CACNB4: variants seen among roughly 807,000 people sequenced by gnomAD.
CACNB4 encodes the protein calcium voltage-gated channel auxiliary subunit beta 4.
In CACNB4, 32 loss-of-function variants were observed where a neutral mutation model predicts 71.2. That is an observed-to-expected ratio of 0.45 (90% CI 0.34 to 0.60). The LOEUF is 0.60. Ranked by LOEUF, CACNB4 falls within the 20% of genes least tolerant of loss-of-function variation. The pLI is 0.01. For synonymous variants in CACNB4, 231 were observed against 236.9 expected (o/e 0.97, Z 0.23); for missense variants, 464 against 647.9 (o/e 0.72, Z 3.08).
intron 2 of CACNB4, among the ~76,000 whole-genome samples, chr2:151,933,978 C>T (rs1232111391): frequency 3.3e-5 from 5 of 152,182 alleles, no homozygotes; most frequent in African/African-American, 9.7e-5. Flanking sequence ...AACACCCTGA[C>T]GACACTCCTG....
At chr2:151,920,548 G>C (rs1254482159) in intron 2 of CACNB4, among the ~76,000 whole-genome samples, 2 of 151,580 alleles carry the variant, frequency 1.3e-5, no homozygotes, top group Non-Finnish European at 2.9e-5. Context: ...TGTTTCCCTG[G>C]CTAGTCCTGG....
At chr2:151,988,054 A>G (rs982066631) in intron 2 of CACNB4, among the ~76,000 whole-genome samples, 10 of 152,212 alleles carry the variant, frequency 6.6e-5, no homozygotes, top group African/African-American at 2.4e-4. Context: ...TTTTTTTAAG[A>G]TCTGAAGCTT....
chr2:152,048,517 T>C (rs1177740463), intron 2 of CACNB4: 1 of 152,196 alleles, frequency 6.6e-6, no homozygotes, highest in Non-Finnish European at 1.5e-5. Flanking sequence ...AAAAAGTACC[T>C]GCAACACTTG....
At chr2:151,946,488 G>A (rs1400491136) in intron 2 of CACNB4, among the ~76,000 whole-genome samples, 1 of 152,158 alleles carries the variant, frequency 6.6e-6, no homozygotes, top group East Asian at 1.9e-4. Context: ...TCCACTAAAG[G>A]TTGTTACTGA....
chr2:151,925,461 T>G (rs995258265), intron 2 of CACNB4, among the ~76,000 whole-genome samples: 3 of 152,200 alleles, frequency 2.0e-5, no homozygotes, highest in Non-Finnish European at 4.4e-5. Flanking sequence ...AGAGCTGCAT[T>G]TAAAATCCTA....
chr2:151,970,443 T>C (rs2099872213), intron 2 of CACNB4: 1 of 152,110 alleles, frequency 6.6e-6, no homozygotes, highest in African/African-American at 2.4e-5. Flanking sequence ...AATGAAAAAA[T>C]AAATCTATTT....
At chr2:151,963,831 G>T (rs1266944641) in intron 2 of CACNB4, among the ~76,000 whole-genome samples, 3 of 152,102 alleles carry the variant, frequency 2.0e-5, no homozygotes, top group Non-Finnish European at 4.4e-5. Flanking sequence ...ACTTTGGGAG[G>T]CCGAGGCAGG....
chr2:152,022,807 C>A (rs950923694), intron 2 of CACNB4, among the ~76,000 whole-genome samples: 1 of 152,152 alleles, frequency 6.6e-6, no homozygotes, highest in Non-Finnish European at 1.5e-5. Flanking sequence ...GTTGCCACAA[C>A]TCTCCTACTT....
At chr2:152,085,303 G>A (rs936671826) in intron 2 of CACNB4, among the ~76,000 whole-genome samples, 10 of 152,220 alleles carry the variant, frequency 6.6e-5, no homozygotes, top group African/African-American at 2.2e-4. Flanking sequence ...GTTGGGGTGC[G>A]CTTTGTTAAG....
intron 10 of CACNB4, 38 bp downstream of exon 10, chr2:151,860,673 A>C (rs748367932): frequency 7.2e-7 from 1 of 1,381,026 alleles, no homozygotes; most frequent in Admixed American, 1.7e-5. Context: ...CCGGTCTGTA[A>C]GCACAGCTTG....
chr2:151,924,834 T>G (rs781747994), intron 2 of CACNB4, among the ~76,000 whole-genome samples: 6 of 152,222 alleles, frequency 3.9e-5, no homozygotes, highest in Non-Finnish European at 5.9e-5. Flanking sequence ...CCAACTCCTT[T>G]TTGTAACACG....
chr2:151,866,330 G>C (rs1184561651), intron 9 of CACNB4: 1 of 152,140 alleles, frequency 6.6e-6, no homozygotes, highest in Non-Finnish European at 1.5e-5. Context: ...TCCCTTCTTT[G>C]TACTTTCTGA....
At chr2:151,964,592 A>G (rs912540176) in intron 2 of CACNB4, among the ~76,000 whole-genome samples, 1 of 152,222 alleles carries the variant, frequency 6.6e-6, no homozygotes, top group African/African-American at 2.4e-5. Flanking sequence ...AAAAGCTGCC[A>G]ATATAACTGC....
At position 151,880,846 on chromosome 2, in the gene CACNB4, C is replaced by T. The variant is rs1243319442; in HGVS notation, c.344G>A (p.Ser115Asn). 3 of 1,613,690 alleles carry T rather than the reference C, an allele frequency of 1.9e-6. No homozygotes were observed. Among genetic ancestry groups the T allele is most frequent in the Non-Finnish European group, 2.5e-6 (3 of 1,179,730 alleles). Reference sequence around the variant, plus strand: ...TTTAGCATCAAAGGAGATAGCTGTGCTTGGAACAGGCACATCCTCGTCCAG... The same window carrying T: ...TTTAGCATCAAAGGAGATAGCTGTGTTTGGAACAGGCACATCCTCGTCCAG... ...GALDEDVPVP[S>N]TAISFDAKDF... The change falls in exon 4 of 14, where the codon AGC becomes AAC. Residue 115 changes from serine to asparagine, a missense_variant. Physicochemically the swap from Ser to Asn is conservative, Grantham distance 46 (BLOSUM62 1). Coordinates refer to ENST00000539935, the MANE Select transcript of CACNB4 (RefSeq NM_000726.5).
chr2:151,874,956 G>A, intron 5 of CACNB4: 1 of 399,450 alleles, frequency 2.5e-6, no homozygotes, highest in East Asian at 3.6e-5. Flanking sequence ...GGAGACAAGA[G>A]ATGCCACAAA....
At chr2:151,855,857 GT>G (rs1197088828) in intron 10 of CACNB4, among the ~76,000 whole-genome samples, 1 of 152,102 alleles carries the variant, frequency 6.6e-6, no homozygotes, top group Non-Finnish European at 1.5e-5. Flanking sequence ...CAACTCATCT[GT>G]TTTGACTGAT....
chr2:152,031,171 C>T (rs1684263326), intron 2 of CACNB4, among the ~76,000 whole-genome samples: 1 of 152,188 alleles, frequency 6.6e-6, no homozygotes, highest in Non-Finnish European at 1.5e-5. Context: ...GTGCCCAGAA[C>T]TCTTTCAGTT....
chr2:152,065,844 C>T (rs1365407899), intron 2 of CACNB4, among the ~76,000 whole-genome samples: 1 of 152,144 alleles, frequency 6.6e-6, no homozygotes, highest in African/African-American at 2.4e-5. Context: ...TGGGCTTAAA[C>T]GATCCTCCTG....
In CACNB4 at chr2:151,853,695, C is replaced by T. The variant is rs965210988; in HGVS notation, c.1021-152G>A. ...CATATATTTAAACCTGTAATGATGT[C>T]ATCTGCTTACATTGGCTCTCAGTTC... On this transcript the variant is annotated intron_variant, in intron 11 of 13. Coordinates refer to ENST00000539935, the MANE Select transcript of CACNB4 (RefSeq NM_000726.5). 54 of 528,354 alleles carry T rather than the reference C, an allele frequency of 1.0e-4. 1 individual carries two copies. The highest frequency in any genetic ancestry group is 1.6e-4 in the Non-Finnish European group (50 of 303,500). 32.7% of individuals were successfully genotyped at this position (528,354 alleles called of 1,614,324 possible). A position where few individuals can be genotyped will look rare whatever the true frequency, so the allele number is the denominator to read the frequency against.
Sources: allele counts gnomAD v4.1 joint callset (sites outside exome capture counted in the v4.1 genomes callset), GRCh38; gene constraint gnomAD v4.1.1; transcripts MANE v1.5; gene names NCBI Gene and HGNC (gene_info 2026-07-23, HGNC 2026-07-21).